PCDH15: variants seen among roughly 807,000 people sequenced by gnomAD.
PCDH15 encodes the protein protocadherin-15.
A neutral mutation model predicts 178.5 loss-of-function variants in PCDH15; 129 were observed. The observed-to-expected ratio is 0.72, with a 90% confidence interval of 0.63 to 0.84. PCDH15 has a LOEUF of 0.84. Among genes scored for constraint, PCDH15 ranks in the 40% least tolerant of loss-of-function variants. The pLI is 0.00. For missense variants in PCDH15, 2,230 were observed against 2,099.9 expected, an observed-to-expected ratio of 1.06 and a Z score of -1.21; for synonymous variants, 800 against 732.0, an observed-to-expected ratio of 1.09 and a Z score of -1.50.
chr10:55,336,138 A>C (rs1844384246), intron 2 of PCDH15, among the ~76,000 whole-genome samples: 1 of 149,708 alleles, frequency 6.7e-6, no homozygotes, highest in Non-Finnish European at 1.5e-5. Flanking sequence ...AAAAAAAAAA[A>C]AAAAAAAAAA....
intron 8 of PCDH15, among the ~76,000 whole-genome samples, chr10:54,316,416 T>C (rs2133623629): frequency 6.6e-6 from 1 of 152,180 alleles, no homozygotes; most frequent in African/African-American, 2.4e-5. Context: ...ATTCTAACAC[T>C]TTGAGCCATT....
chr10:54,158,966 G>C (rs549963425), intron 13 of PCDH15, among the ~76,000 whole-genome samples: 1 of 152,004 alleles, frequency 6.6e-6, no homozygotes, highest in Non-Finnish European at 1.5e-5. Flanking sequence ...ATATTAGCCA[G>C]GCGTGGTGGC....
intron 3 of PCDH15, among the ~76,000 whole-genome samples, chr10:54,843,946 CTGTT>C (rs1953462175): frequency 1.3e-5 from 2 of 151,960 alleles, no homozygotes; most frequent in Non-Finnish European, 2.9e-5. Context: ...TGTCTTGTGA[CTGTT>C]TATCAAAATA....
intron 2 of PCDH15, among the ~76,000 whole-genome samples, chr10:55,069,319 C>A (rs1367613667): frequency 2.0e-5 from 3 of 146,346 alleles, no homozygotes; most frequent in Non-Finnish European, 4.5e-5. Flanking sequence ...GGTACATGTG[C>A]ACAATGTGCA....
At chr10:55,030,885 C>A (rs1840593748) in intron 2 of PCDH15, among the ~76,000 whole-genome samples, 1 of 151,834 alleles carries the variant, frequency 6.6e-6, no homozygotes, top group African/African-American at 2.4e-5. Context: ...AAGAAGCAAG[C>A]TGTAAATTTA....
At chr10:55,232,830 T>C (rs1287002572) in intron 1 of PCDH15, among the ~76,000 whole-genome samples, 1 of 152,078 alleles carries the variant, frequency 6.6e-6, no homozygotes, top group Middle Eastern at 3.2e-3. Context: ...TCAAGTTACA[T>C]AAGCTCCAAA....
intron 6 of PCDH15, among the ~76,000 whole-genome samples, chr10:54,342,092 T>C (rs867342708): frequency 6.6e-6 from 1 of 152,186 alleles, no homozygotes; most frequent in African/African-American, 2.4e-5. Flanking sequence ...AAATCCCATT[T>C]TCTGGGGGAA....
chr10:54,890,203 C>T (rs934763235), intron 3 of PCDH15, among the ~76,000 whole-genome samples: 2 of 151,776 alleles, frequency 1.3e-5, no homozygotes, highest in South Asian at 4.1e-4. Flanking sequence ...AATAATGTTC[C>T]CCATCATCAC....
At chr10:54,068,266 A>C (rs781766571) in intron 17 of PCDH15, among the ~76,000 whole-genome samples, 1 of 152,150 alleles carries the variant, frequency 6.6e-6, no homozygotes. Context: ...CATGCATAGC[A>C]GGGAATTCCT....
intron 8 of PCDH15, among the ~76,000 whole-genome samples, chr10:54,295,478 T>A (rs536956721): frequency 7.1e-4 from 108 of 152,318 alleles, no homozygotes; most frequent in Non-Finnish European, 1.4e-3. Flanking sequence ...TTGCTGGTGC[T>A]CACTCTTAGG....
At chr10:54,212,903 C>T (rs1041768952) in intron 10 of PCDH15, among the ~76,000 whole-genome samples, 2 of 152,058 alleles carry the variant, frequency 1.3e-5, no homozygotes, top group African/African-American at 4.8e-5. Context: ...AATCACTTAC[C>T]TTATCCGAAC....
chr10:55,361,746 T>G (rs551947544), intron 2 of PCDH15, among the ~76,000 whole-genome samples: 1 of 152,190 alleles, frequency 6.6e-6, no homozygotes, highest in Non-Finnish European at 1.5e-5. Flanking sequence ...TGTCATTTAT[T>G]TATATCTTTT....
intron 1 of PCDH15, among the ~76,000 whole-genome samples, chr10:54,710,680 G>T (rs1295869117): frequency 6.6e-6 from 1 of 151,866 alleles, no homozygotes; most frequent in African/African-American, 2.4e-5. Context: ...GCTGTTGCAA[G>T]AAATACTTCA....
intron 15 of PCDH15, among the ~76,000 whole-genome samples, chr10:54,116,925 A>G (rs964543797): frequency 6.6e-6 from 1 of 152,128 alleles, no homozygotes; most frequent in African/African-American, 2.4e-5. Flanking sequence ...GCACTGATCT[A>G]GCATGCAAGT....
At chr10:55,302,291 TA>T (rs1363709402) in intron 1 of PCDH15, among the ~76,000 whole-genome samples, 2 of 152,150 alleles carry the variant, frequency 1.3e-5, no homozygotes, top group African/African-American at 2.4e-5. Context: ...AGTTTTAATA[TA>T]AAAACACTGC....
At chr10:55,125,923 G>A (rs553607453) in intron 2 of PCDH15, among the ~76,000 whole-genome samples, 10 of 151,970 alleles carry the variant, frequency 6.6e-5, no homozygotes, top group Admixed American at 1.3e-4. Flanking sequence ...TTGGCTAAAC[G>A]GTGTTCTTTA....
chr10:54,297,463 T>C (rs1162117384), intron 8 of PCDH15, among the ~76,000 whole-genome samples: 2 of 152,152 alleles, frequency 1.3e-5, no homozygotes, highest in African/African-American at 4.8e-5. Flanking sequence ...TGTCCAAGCT[T>C]TCTTTTCATT....
intron 3 of PCDH15, among the ~76,000 whole-genome samples, chr10:54,393,180 C>G (rs1950767059): frequency 6.6e-6 from 1 of 152,076 alleles, no homozygotes; most frequent in Non-Finnish European, 1.5e-5. Context: ...AAACTCTGTT[C>G]TAAACACAGT....
At chr10:54,238,962 T>C (rs2054937059) in intron 8 of PCDH15, among the ~76,000 whole-genome samples, 1 of 152,092 alleles carries the variant, frequency 6.6e-6, no homozygotes, top group South Asian at 2.1e-4. Flanking sequence ...TCTATTTGGA[T>C]CCTGTAAAGG....
Sources: allele counts gnomAD v4.1 joint callset (sites outside exome capture counted in the v4.1 genomes callset), GRCh38; gene constraint gnomAD v4.1.1; transcripts MANE v1.5; gene names NCBI Gene and HGNC (gene_info 2026-07-23, HGNC 2026-07-21).